Variants in MAGI1 observed in about 807,000 individuals in gnomAD.
The protein encoded by MAGI1 is membrane-associated guanylate kinase, WW and PDZ domain-containing protein 1.
MAGI1 carries 58 observed loss-of-function variants against 139.9 expected under a neutral mutation model. The ratio of observed to expected loss-of-function variants is 0.41; its 90% CI spans 0.34 to 0.52. MAGI1 has a LOEUF of 0.52. Among genes scored for constraint, MAGI1 ranks in the 20% least tolerant of loss-of-function variants. MAGI1 has a pLI of 0.12. For synonymous variants in MAGI1, 812 were observed against 737.9 expected (o/e 1.10, Z -1.63); for missense variants, 1,874 against 1,901.6 (o/e 0.99, Z 0.27).
intron 1 of MAGI1, among the ~76,000 whole-genome samples, chr3:65,987,465 G>C (rs2065939714): frequency 6.6e-6 from 1 of 152,176 alleles, no homozygotes; most frequent in African/African-American, 2.4e-5. Context: ...AGAGGTGGGA[G>C]GCCAGGGTAG....
chr3:65,457,033 C>T (rs958197411), intron 5 of MAGI1, among the ~76,000 whole-genome samples: 8 of 151,998 alleles, frequency 5.3e-5, no homozygotes, highest in African/African-American at 1.9e-4. Context: ...TATTCTCTTT[C>T]CTTTGCCTTT....
chr3:65,584,582 A>G (rs1164716088), intron 2 of MAGI1, among the ~76,000 whole-genome samples: 2 of 152,234 alleles, frequency 1.3e-5, no homozygotes, highest in Non-Finnish European at 2.9e-5. Flanking sequence ...GAAAAAACAT[A>G]TAAAAGCAGA....
intron 1 of MAGI1, among the ~76,000 whole-genome samples, chr3:65,669,644 C>T (rs1576664279): frequency 6.6e-6 from 1 of 152,172 alleles, no homozygotes; most frequent in South Asian, 2.1e-4. Context: ...CTGATAAAGC[C>T]ATGTTTCATT....
chr3:65,708,632 T>A, intron 1 of MAGI1, among the ~76,000 whole-genome samples: 1 of 149,000 alleles, frequency 6.7e-6, no homozygotes, highest in Non-Finnish European at 1.5e-5. Flanking sequence ...GATGAAAAAG[T>A]GAGAAAAAAG....
chr3:65,939,565 T>C (rs550061372), intron 1 of MAGI1, among the ~76,000 whole-genome samples: 47 of 152,294 alleles, frequency 3.1e-4, no homozygotes, highest in Admixed American at 2.9e-3. Context: ...AATATTTCAA[T>C]GGTGAATGTG....
chr3:65,557,223 G>C (rs1188917753), intron 2 of MAGI1, among the ~76,000 whole-genome samples: 2 of 152,204 alleles, frequency 1.3e-5, no homozygotes, highest in Non-Finnish European at 2.9e-5. Context: ...CTAAGATTAG[G>C]TTATAAGACA....
intron 1 of MAGI1, among the ~76,000 whole-genome samples, chr3:65,964,298 A>G (rs1451270591): frequency 6.6e-6 from 1 of 152,170 alleles, no homozygotes; most frequent in African/African-American, 2.4e-5. Flanking sequence ...GGCAGCCCTA[A>G]CTGTGGGAGT....
chr3:65,353,741 C>T lies in MAGI1; in HGVS notation c.*2637G>A, dbSNP rs994822694. The T allele has an allele frequency of 1.3e-5, 2 of 152,106 alleles. No individual in the cohort carries two copies. The highest frequency in any genetic ancestry group is 3.9e-4 in the East Asian group (2 of 5,192). 9.4% of individuals were successfully genotyped at this position (152,106 alleles called of 1,614,324 possible). On this transcript the variant is annotated 3_prime_UTR_variant, in exon 23 of 23. Transcript: ENST00000402939. ...CCATTATCTCTCATCAAGACATTTA[C>T]ATTAAGTGGGGGAGGGGGGCGGCGG...
At chr3:65,813,767 G>A (rs528096283) in intron 1 of MAGI1, among the ~76,000 whole-genome samples, 1 of 152,316 alleles carries the variant, frequency 6.6e-6, no homozygotes, top group Admixed American at 6.5e-5. Flanking sequence ...ATTTATAATA[G>A]GGAGATAATG....
At chr3:65,804,238 A>C (rs1211291314) in intron 1 of MAGI1, among the ~76,000 whole-genome samples, 2 of 151,528 alleles carry the variant, frequency 1.3e-5, no homozygotes, top group East Asian at 3.9e-4. Context: ...AGAATTAACC[A>C]TTTTGCAAAA....
At chr3:65,857,842 T>A (rs1243534537) in intron 1 of MAGI1, among the ~76,000 whole-genome samples, 1 of 152,080 alleles carries the variant, frequency 6.6e-6, no homozygotes, top group Non-Finnish European at 1.5e-5. Flanking sequence ...AAACATCCCT[T>A]AGACATTTAA....
chr3:65,847,672 C>T (rs920972829), intron 1 of MAGI1, among the ~76,000 whole-genome samples: 7 of 152,204 alleles, frequency 4.6e-5, no homozygotes, highest in Admixed American at 6.5e-5. Context: ...CATCATTCAA[C>T]TATCATTCAT....
At chr3:65,530,740 T>TACACACATATATACAC (rs1559642646) in intron 2 of MAGI1, among the ~76,000 whole-genome samples, 1 of 97,520 alleles carries the variant, frequency 1.0e-5, no homozygotes, top group Non-Finnish European at 1.9e-5. Context: ...TATATATATA[T>TACACACATATATACAC]GCACATATAT....
rs139612799 is a variant in MAGI1, at chr3:65,592,115, A to C, written c.430+29857T>G. Reference sequence around the variant, plus strand: ...TGATCATATATACCAGGCAGGCAGAACACAGTTCCTAGCACATAAAGATTG... The same window carrying C: ...TGATCATATATACCAGGCAGGCAGACCACAGTTCCTAGCACATAAAGATTG... On this transcript the variant is annotated intron_variant, in intron 2 of 22. Transcript: ENST00000402939. Among the ~76,000 whole-genome samples, 862 of 152,330 alleles carry C rather than the reference A, an allele frequency of 5.7e-3. 13 individuals carry two copies. Among genetic ancestry groups the C allele is most frequent in the African/African-American group, 0.02 (820 of 41,574 alleles).
chr3:65,753,826 G>A (rs2036354960), intron 1 of MAGI1, among the ~76,000 whole-genome samples: 1 of 152,058 alleles, frequency 6.6e-6, no homozygotes, highest in South Asian at 2.1e-4. Context: ...CTGCCTCCCA[G>A]GAAGTAATAT....
At chr3:65,681,326 C>A (rs949068275) in intron 1 of MAGI1, among the ~76,000 whole-genome samples, 14 of 152,298 alleles carry the variant, frequency 9.2e-5, no homozygotes, top group African/African-American at 3.4e-4. Context: ...ATAAGCTACG[C>A]CCATAATTCC....
intron 1 of MAGI1, among the ~76,000 whole-genome samples, chr3:65,696,004 C>A (rs975373392): frequency 3.3e-5 from 5 of 152,172 alleles, no homozygotes; most frequent in Admixed American, 3.3e-4. Context: ...CTTCTCAAAC[C>A]CTCCAACAGC....
chr3:65,921,813 G>C (rs966715015), intron 1 of MAGI1, among the ~76,000 whole-genome samples: 3 of 151,882 alleles, frequency 2.0e-5, no homozygotes, highest in Non-Finnish European at 4.4e-5. Context: ...AATCAGGAAA[G>C]AAAGTTAGCC....
intron 1 of MAGI1, among the ~76,000 whole-genome samples, chr3:65,807,987 C>T (rs553506065): frequency 6.6e-6 from 1 of 150,634 alleles, no homozygotes; most frequent in Non-Finnish European, 1.5e-5. Flanking sequence ...AGGCTAAGTT[C>T]GGCGGATCAC....
Sources: allele counts gnomAD v4.1 joint callset (sites outside exome capture counted in the v4.1 genomes callset), GRCh38; gene constraint gnomAD v4.1.1; transcripts MANE v1.5; gene names NCBI Gene and HGNC (gene_info 2026-07-23, HGNC 2026-07-21).